The following CHL1 variants were observed in gnomAD, a reference collection of about 807,000 sequenced individuals.
CHL1 encodes cell adhesion molecule L1 like, also known as neural cell adhesion molecule L1-like protein.
CHL1 carries 96 observed loss-of-function variants against 141.9 expected under a neutral mutation model. The observed-to-expected ratio is 0.68, with a 90% CI of 0.57 to 0.80. The LOEUF (loss-of-function observed/expected upper bound fraction) is 0.80. CHL1 is among the 30% of genes least tolerant of loss of function. The pLI, the probability that CHL1 is intolerant of heterozygous loss-of-function variation, is 0.00. For missense variants in CHL1, 1,820 were observed against 1,457.2 expected, an observed-to-expected ratio of 1.25 and a Z score of -4.05; for synonymous variants, 613 against 502.2, an observed-to-expected ratio of 1.22 and a Z score of -2.95.
chr3:375,271 C>T (rs1706174040), intron 15 of CHL1, among the ~76,000 whole-genome samples: 1 of 151,938 alleles, frequency 6.6e-6, no homozygotes, highest in Non-Finnish European at 1.5e-5. Flanking sequence ...GTAATGGGGA[C>T]TGTTCATGAC....
At chr3:229,502 C>T (rs947910947) in intron 1 of CHL1, among the ~76,000 whole-genome samples, 5 of 152,150 alleles carry the variant, frequency 3.3e-5, no homozygotes, top group Non-Finnish European at 2.9e-5. Context: ...CAAAAGAATG[C>T]GAATGTTCAA....
chr3:197,898 T>C, intron 1 of CHL1: 1 of 417,920 alleles, frequency 2.4e-6, no homozygotes, highest in Non-Finnish European at 4.7e-6. Flanking sequence ...GGAGTGTGAG[T>C]GTGCGTGGGG....
At chr3:375,445 A>T (rs1378882815) in intron 15 of CHL1, among the ~76,000 whole-genome samples, 1 of 151,890 alleles carries the variant, frequency 6.6e-6, no homozygotes, top group Non-Finnish European at 1.5e-5. Flanking sequence ...CCCTCCAGAA[A>T]TAGTGGCAAA....
intron 1 of CHL1, among the ~76,000 whole-genome samples, chr3:228,898 G>A (rs1183188902): frequency 6.6e-6 from 1 of 152,100 alleles, no homozygotes; most frequent in African/African-American, 2.4e-5. Flanking sequence ...TGTCCACTAA[G>A]TGGAGTAAAA....
In CHL1 at chr3:389,308, G is replaced by A; in HGVS notation, c.2304G>A (p.Lys768=). The A allele has an allele frequency of 6.2e-7, 1 of 1,614,074 alleles. No homozygotes were observed. The part of the protein sequence containing the change: ...GPGLEYRVTW[K]PQGAPVEWEE... The stretch of plus-strand genomic sequence containing the variant: ...GCCTAGAGTACAGAGTGACCTGGAA[G>A]CCACAGGGAGCCCCAGTGGAGTGGG... Residue 768 remains lysine, a synonymous_variant, in exon 20 of 28, where the codon AAG becomes AAA. Transcript: ENST00000256509.
At position 342,001 on chromosome 3, in the gene CHL1, A is replaced by C; in HGVS notation, c.598A>C (p.Asn200His). 3 of 1,613,592 alleles carry C rather than the reference A, an allele frequency of 1.9e-6. No individual in the cohort carries two copies. Among genetic ancestry groups the C allele is most frequent in the Non-Finnish European group, 1.7e-6 (2 of 1,179,562 alleles). ...FANVEEKDSR[N>H]DYCCFAAFPR... ...AAACGTGGAAGAAAAGGACAGTCGC[A>C]ATGACTACTGTTGCTTTGCTGCATT... Residue 200 changes from asparagine to histidine, a missense_variant, in exon 7 of 28, where the codon AAT (asparagine) becomes CAT (histidine). Coordinates refer to ENST00000256509, the MANE Select transcript of CHL1 (RefSeq NM_006614.4).
intron 1 of CHL1, among the ~76,000 whole-genome samples, chr3:239,851 T>G (rs1692382510): frequency 6.6e-6 from 1 of 152,054 alleles, no homozygotes; most frequent in African/African-American, 2.4e-5. Context: ...GGATTTTTGG[T>G]TTTCCATTCC....
chr3:393,248 G>C (rs1295209634), intron 23 of CHL1, among the ~76,000 whole-genome samples: 1 of 65,384 alleles, frequency 1.5e-5, no homozygotes, highest in African/African-American at 3.9e-5. Flanking sequence ...AAAAAAAAAA[G>C]TGTTAAGAAT....
intron 1 of CHL1, among the ~76,000 whole-genome samples, chr3:239,278 C>A (rs1460358285): frequency 6.6e-6 from 1 of 152,216 alleles, no homozygotes; most frequent in South Asian, 2.1e-4. Flanking sequence ...TTCCTCCAAG[C>A]CATTCTGCAA....
At chr3:211,183 G>C in intron 1 of CHL1, among the ~76,000 whole-genome samples, 1 of 152,182 alleles carries the variant, frequency 6.6e-6, no homozygotes, top group Admixed American at 6.5e-5. Context: ...AGAGAAAAGA[G>C]CTCCTGCATT....
At chr3:281,885 T>C (rs1696693278) in intron 2 of CHL1, among the ~76,000 whole-genome samples, 1 of 152,182 alleles carries the variant, frequency 6.6e-6, no homozygotes, top group Non-Finnish European at 1.5e-5. Flanking sequence ...TATTTTTGCT[T>C]TTGCTTTGTA....
intron 1 of CHL1, among the ~76,000 whole-genome samples, chr3:235,866 A>G (rs1222803691): frequency 6.6e-6 from 1 of 152,194 alleles, no homozygotes; most frequent in African/African-American, 2.4e-5. Context: ...TGAGAAAACA[A>G]GAGATGCCTC....
At chr3:371,592 T>G (rs1376731433) in intron 15 of CHL1, among the ~76,000 whole-genome samples, 1 of 152,230 alleles carries the variant, frequency 6.6e-6, no homozygotes, top group Non-Finnish European at 1.5e-5. Context: ...ATTTGGCTAC[T>G]CAGTGCATTT....
At chr3:325,916 C>G (rs1389390738) in intron 3 of CHL1, 43 bp from the exon 4 acceptor site, 1 of 1,333,220 alleles carries the variant, frequency 7.5e-7, no homozygotes, top group East Asian at 2.3e-5. Flanking sequence ...ACCTTGCCTG[C>G]TGTTTGAATA....
At chr3:206,579 T>G (rs1284024603) in intron 1 of CHL1, among the ~76,000 whole-genome samples, 3 of 151,516 alleles carry the variant, frequency 2.0e-5, no homozygotes, top group Non-Finnish European at 4.4e-5. Flanking sequence ...TATAAATAAA[T>G]AAAAATAAAA....
intron 1 of CHL1, among the ~76,000 whole-genome samples, chr3:206,222 C>T (rs559925489): frequency 1.3e-5 from 2 of 152,244 alleles, no homozygotes; most frequent in South Asian, 4.1e-4. Flanking sequence ...AATCCCAGCA[C>T]TTTGGGAGGC....
chr3:328,946 T>A (rs1185109151), intron 5 of CHL1, among the ~76,000 whole-genome samples: 1 of 152,154 alleles, frequency 6.6e-6, no homozygotes, highest in African/African-American at 2.4e-5. Flanking sequence ...CATAGTCCCA[T>A]CTAACATCAA....
chr3:245,846 A>C (rs2125115794), intron 2 of CHL1, among the ~76,000 whole-genome samples: 1 of 152,206 alleles, frequency 6.6e-6, no homozygotes, highest in South Asian at 2.1e-4. Context: ...CTGTGCTTTG[A>C]AAAACATTTG....
chr3:327,232 A>G (rs1701086065), intron 4 of CHL1, among the ~76,000 whole-genome samples: 1 of 152,130 alleles, frequency 6.6e-6, no homozygotes, highest in East Asian at 1.9e-4. Context: ...CACATAGATT[A>G]GTGTAAGAAT....
Sources: allele counts gnomAD v4.1 joint callset (sites outside exome capture counted in the v4.1 genomes callset), GRCh38; gene constraint gnomAD v4.1.1; transcripts MANE v1.5; gene names NCBI Gene and HGNC (gene_info 2026-07-23, HGNC 2026-07-21).